The following BET1 variants were observed in gnomAD, a reference collection of about 807,000 sequenced individuals.
BET1 encodes the protein BET1 homolog.
Under a neutral mutation model 13.9 loss-of-function variants are expected in BET1, and 9 were observed. That is an observed-to-expected ratio of 0.65 (90% CI 0.39 to 1.13). The LOEUF (loss-of-function observed/expected upper bound fraction) is 1.13. Among genes scored for constraint, BET1 ranks in the 50% most tolerant of loss-of-function variants. The pLI is 0.01. For missense variants in BET1, 127 were observed against 133.6 expected (o/e 0.95, Z 0.24); for synonymous variants, 39 against 47.3 (o/e 0.82, Z 0.72).
intron 5 of BET1, among the ~76,000 whole-genome samples, chr7:93,975,034 A>C (rs1795315205): frequency 6.6e-6 from 1 of 152,000 alleles, no homozygotes; most frequent in Non-Finnish European, 1.5e-5. Flanking sequence ...GAAACATCAA[A>C]TAGAACCAAA....
intron 2 of BET1, among the ~76,000 whole-genome samples, chr7:93,997,211 T>C (rs1795790641): frequency 6.6e-6 from 1 of 152,146 alleles, no homozygotes; most frequent in African/African-American, 2.4e-5. Flanking sequence ...GGTAAATCAC[T>C]GCAAATATTG....
intron 2 of BET1, among the ~76,000 whole-genome samples, chr7:93,997,674 C>T (rs1399102806): frequency 6.6e-6 from 1 of 152,180 alleles, no homozygotes; most frequent in Non-Finnish European, 1.5e-5. Context: ...TGGGCTTCTA[C>T]TGAATGCTTT....
intron 1 of BET1, among the ~76,000 whole-genome samples, chr7:94,002,945 T>C (rs1042889571): frequency 3.3e-5 from 5 of 152,200 alleles, no homozygotes; most frequent in Admixed American, 2.6e-4. Flanking sequence ...CCATCCCTTA[T>C]ATGTAGAACT....
chr7:93,966,107 TA>T (rs1254875849), intron 6 of BET1, among the ~76,000 whole-genome samples: 2 of 151,964 alleles, frequency 1.3e-5, no homozygotes, highest in Non-Finnish European at 2.9e-5. Context: ...AGAAGTCACT[TA>T]AGCTACCTGG....
chr7:93,966,697 T>A (rs1795179476), intron 6 of BET1, among the ~76,000 whole-genome samples: 1 of 151,774 alleles, frequency 6.6e-6, no homozygotes, highest in South Asian at 2.1e-4. Flanking sequence ...TGCAGACTTC[T>A]TGAGGGTATG....
intron 6 of BET1, among the ~76,000 whole-genome samples, chr7:93,966,110 G>A (rs1210275792): frequency 6.6e-6 from 1 of 151,888 alleles, no homozygotes; most frequent in Non-Finnish European, 1.5e-5. Flanking sequence ...AGTCACTTAA[G>A]CTACCTGGAA....
intron 4 of BET1, among the ~76,000 whole-genome samples, chr7:93,983,338 A>G (rs1795461187): frequency 6.6e-6 from 1 of 152,200 alleles, no homozygotes; most frequent in Non-Finnish European, 1.5e-5. Context: ...TCTTTAAAAT[A>G]TTATTGCATT....
chr7:93,998,855 T>TAA (rs76662536), intron 2 of BET1, among the ~76,000 whole-genome samples: 1 of 151,846 alleles, frequency 6.6e-6, no homozygotes. Flanking sequence ...AAGGCTAGAT[T>TAA]AAAAAAAGCA....
chr7:93,967,728 G>C (rs1433747333), intron 6 of BET1, among the ~76,000 whole-genome samples: 1 of 151,828 alleles, frequency 6.6e-6, no homozygotes, highest in Middle Eastern at 3.4e-3. Flanking sequence ...ATATGATTAA[G>C]TACTGCATTT....
chr7:93,973,540 A>G (rs1329574295), intron 5 of BET1, among the ~76,000 whole-genome samples: 1 of 151,966 alleles, frequency 6.6e-6, no homozygotes, highest in African/African-American at 2.4e-5. Flanking sequence ...CATGTGAATT[A>G]CTTGAACTGC....
chr7:93,971,653 C>T (rs1795260466), intron 6 of BET1, among the ~76,000 whole-genome samples: 2 of 151,584 alleles, frequency 1.3e-5, no homozygotes, highest in South Asian at 4.2e-4. Context: ...CCCACTTATG[C>T]TCACATTATG....
At chr7:93,986,144 C>G (rs749978014) in intron 4 of BET1, among the ~76,000 whole-genome samples, 1 of 152,164 alleles carries the variant, frequency 6.6e-6, no homozygotes, top group Non-Finnish European at 1.5e-5. Context: ...TGTGCATCCT[C>G]TTGATTCAAT....
At chr7:93,982,217 T>G (rs539251462) in intron 4 of BET1, among the ~76,000 whole-genome samples, 1 of 152,138 alleles carries the variant, frequency 6.6e-6, no homozygotes, top group South Asian at 2.1e-4. Context: ...GCTTGAAATA[T>G]AGATATATAG....
chr7:93,977,086 C>G (rs924035736), intron 4 of BET1, among the ~76,000 whole-genome samples: 1 of 152,050 alleles, frequency 6.6e-6, no homozygotes, highest in African/African-American at 2.4e-5. Flanking sequence ...ATACTCCAAC[C>G]TGAGCTCTTG....
intron 4 of BET1, among the ~76,000 whole-genome samples, chr7:93,987,628 A>G (rs1795552166): frequency 1.3e-5 from 2 of 152,154 alleles, no homozygotes; most frequent in Non-Finnish European, 2.9e-5. Flanking sequence ...ATATCATTGA[A>G]TAAGTGTGCA....
chr7:94,002,095 G>C (rs1181982896), intron 1 of BET1, among the ~76,000 whole-genome samples: 1 of 152,120 alleles, frequency 6.6e-6, no homozygotes, highest in African/African-American at 2.4e-5. Context: ...TCCAAACAAA[G>C]CCACTTCTCT....
At chr7:93,993,150 C>A (rs926581384), downstream of BET1, 10 of 984,568 alleles carry the variant, frequency 1.0e-5, no homozygotes, top group Non-Finnish European at 9.6e-6. Flanking sequence ...TCCAACAATA[C>A]AAATATTAAC....
intron 4 of BET1, among the ~76,000 whole-genome samples, chr7:93,982,537 G>C (rs1391880614): frequency 1.3e-5 from 2 of 152,060 alleles, no homozygotes; most frequent in Non-Finnish European, 2.9e-5. Context: ...TATACATCCT[G>C]TCCTTGCCCT....
chr7:93,981,559 A>G (rs1230982857), intron 4 of BET1, among the ~76,000 whole-genome samples: 1 of 152,202 alleles, frequency 6.6e-6, no homozygotes, highest in East Asian at 1.9e-4. Context: ...AAATGCAAAG[A>G]GAGCATACTA....
Sources: allele counts gnomAD v4.1 joint callset (sites outside exome capture counted in the v4.1 genomes callset), GRCh38; gene constraint gnomAD v4.1.1; transcripts MANE v1.5; gene names NCBI Gene and HGNC (gene_info 2026-07-23, HGNC 2026-07-21).